Variants in SLC9D1 observed in about 807,000 individuals in gnomAD.
The protein encoded by SLC9D1 is putative LAG1-interacting protein.
the SLC9D1 span, among the ~76,000 whole-genome samples, chr13:113,494,890 G>T: frequency 9.4e-5 from 14 of 148,680 alleles, no homozygotes; most frequent in Non-Finnish European, 7.5e-5. Context: ...TTCTGTTTTT[G>T]TTTTTTTTTT....
the SLC9D1 span, among the ~76,000 whole-genome samples, chr13:113,491,857 G>T: frequency 1.3e-5 from 2 of 152,228 alleles, no homozygotes; most frequent in Non-Finnish European, 2.9e-5. Flanking sequence ...GCTGCGTATC[G>T]GGTCCCTATT....
At chr13:113,534,337 GTT>G in the SLC9D1 span, 1 of 1,026,242 alleles carries the variant, frequency 9.7e-7, no homozygotes, top group Non-Finnish European at 1.5e-6. Flanking sequence ...TTTAATAATG[GTT>G]AAAATATTTG....
At chr13:113,505,323 C>T in the SLC9D1 span, 1 of 152,260 alleles carries the variant, frequency 6.6e-6, no homozygotes, top group East Asian at 1.9e-4. Flanking sequence ...TATGCCTTGA[C>T]CTGGTAGTTC....
the SLC9D1 span, chr13:113,500,197 A>G: frequency 1.0e-5 from 13 of 1,277,704 alleles, no homozygotes; most frequent in Non-Finnish European, 1.4e-5. Flanking sequence ...TTCCTGGTTC[A>G]TGGTGTCAGT....
chr13:113,532,621 C>T, the SLC9D1 span, among the ~76,000 whole-genome samples: 4 of 152,132 alleles, frequency 2.6e-5, no homozygotes, highest in Admixed American at 6.5e-5. Flanking sequence ...CAGGGCCAGA[C>T]GTGGGCCTGG....
chr13:113,493,987 G>T, the SLC9D1 span, among the ~76,000 whole-genome samples: 1 of 152,156 alleles, frequency 6.6e-6, no homozygotes, highest in African/African-American at 2.4e-5. Flanking sequence ...CCTTACTTTT[G>T]CTGCATCTAA....
chr13:113,521,955 T>C, the SLC9D1 span, among the ~76,000 whole-genome samples: 1 of 152,320 alleles, frequency 6.6e-6, no homozygotes, highest in East Asian at 1.9e-4. Flanking sequence ...TGAGTACAAC[T>C]GATCAAAAAT....
chr13:113,500,253 C>A, the SLC9D1 span: 1 of 641,444 alleles, frequency 1.6e-6, no homozygotes, highest in East Asian at 3.1e-5. Context: ...TTCCTTCTAG[C>A]AGAGATTTTA....
the SLC9D1 span, chr13:113,510,353 C>A: frequency 4.3e-6 from 7 of 1,614,128 alleles, no homozygotes; most frequent in Non-Finnish European, 5.1e-6. Flanking sequence ...TTCATTTCCA[C>A]GTGTCTGTCC....
chr13:113,538,846 C>T, the SLC9D1 span, among the ~76,000 whole-genome samples: 2 of 152,204 alleles, frequency 1.3e-5, no homozygotes, highest in Admixed American at 6.5e-5. Flanking sequence ...GTGTCGCGGC[C>T]GTCCGGCCGG....
the SLC9D1 span, among the ~76,000 whole-genome samples, chr13:113,531,888 T>G: frequency 6.6e-6 from 1 of 152,352 alleles, no homozygotes; most frequent in East Asian, 1.9e-4. Context: ...GAATTAGACC[T>G]AAATCCAAAC....
chr13:113,548,597 G>A, the SLC9D1 span: 3 of 827,168 alleles, frequency 3.6e-6, no homozygotes, highest in African/African-American at 3.4e-5. Flanking sequence ...AGGCCTGGCT[G>A]CTCTCTGCTC....
chr13:113,514,451 A>T, the SLC9D1 span: 1 of 152,082 alleles, frequency 6.6e-6, no homozygotes, highest in Non-Finnish European at 1.5e-5. Context: ...CCTCGCTAGT[A>T]TTCGGGGTGC....
chr13:113,523,727 C>T, the SLC9D1 span, among the ~76,000 whole-genome samples: 8 of 152,030 alleles, frequency 5.3e-5, no homozygotes, highest in Non-Finnish European at 1.2e-4. Flanking sequence ...TGATTTTAAA[C>T]TTCTCATCTT....
At chr13:113,541,141 T>G in the SLC9D1 span, among the ~76,000 whole-genome samples, 1 of 152,220 alleles carries the variant, frequency 6.6e-6, no homozygotes, top group Non-Finnish European at 1.5e-5. Flanking sequence ...TCAGGTGGCC[T>G]CCGGTGCCTC....
At chr13:113,534,246 T>C in the SLC9D1 span, 8 of 1,602,984 alleles carry the variant, frequency 5.0e-6, no homozygotes, top group East Asian at 8.9e-5. Context: ...TAACGGTAAT[T>C]CTCAAACTAT....
At chr13:113,495,336 T>C in the SLC9D1 span, among the ~76,000 whole-genome samples, 2 of 152,258 alleles carry the variant, frequency 1.3e-5, no homozygotes, top group African/African-American at 4.8e-5. Context: ...ACATTCAGTA[T>C]TTGATTTTAA....
chr13:113,520,488 A>T, the SLC9D1 span: 1 of 622,258 alleles, frequency 1.6e-6, no homozygotes, highest in Non-Finnish European at 2.6e-6. Flanking sequence ...CATCTCAAAA[A>T]AAAAAAAAAA....
chr13:113,531,304 G>A, the SLC9D1 span, among the ~76,000 whole-genome samples: 5 of 152,136 alleles, frequency 3.3e-5, no homozygotes, highest in African/African-American at 4.8e-5. Context: ...CGGGCCAGAC[G>A]TGCTGATGGG....
Sources: gnomAD v4.1 joint callset for allele counts (sites outside exome capture counted in the v4.1 genomes callset) on GRCh38, gnomAD v4.1.1 for gene constraint, MANE v1.5 for transcripts, NCBI Gene and HGNC (gene_info 2026-07-23, HGNC 2026-07-21) for gene names.